The following SV2B variants were observed in gnomAD, a reference collection of about 807,000 sequenced individuals.
SV2B encodes synaptic vesicle glycoprotein 2B.
A neutral mutation model predicts 73.9 loss-of-function variants in SV2B; 41 were observed. That is an observed-to-expected ratio of 0.56 (90% confidence interval 0.43 to 0.72). The LOEUF is 0.72. SV2B is among the 30% of genes least tolerant of loss of function. The pLI is 0.00. For synonymous variants in SV2B, 314 were observed against 314.2 expected (o/e 1.00, Z 0.01); for missense variants, 764 against 857.8 (o/e 0.89, Z 1.37).
In SV2B at chr15:91,245,036, G is replaced by A. The variant is rs1343672542; in HGVS notation, c.452-6783G>A. ...CTTTGGTTAATTGCTAAATAAAGAA[G>A]CTCACCCAGTCAGGGCCTCTTCTTT... On this transcript the variant is annotated intron_variant, in intron 2 of 12. Coordinates refer to ENST00000394232, the MANE Select transcript of SV2B (RefSeq NM_001323032.3). This position sits in a 1 kb window ranked among gnomAD's most constrained non-coding sequence, Gnocchi z 4.2. Among the ~76,000 whole-genome samples, 1 of 152,248 alleles carries A rather than the reference G, an allele frequency of 6.6e-6. No homozygotes were observed. The highest frequency in any genetic ancestry group is 6.5e-5 in the Admixed American group (1 of 15,290).
In SV2B at chr15:91,283,007, C is replaced by T. The variant is rs572559949; in HGVS notation, c.1508-1014C>T. Among the ~76,000 whole-genome samples, 2 of 152,226 alleles carry T rather than the reference C, an allele frequency of 1.3e-5. No individual in the cohort carries two copies. Among genetic ancestry groups the T allele is most frequent in the South Asian group, 2.1e-4 (1 of 4,818 alleles). On this transcript the variant is annotated intron_variant, in intron 10 of 12. Coordinates refer to ENST00000394232, the MANE Select transcript of SV2B (RefSeq NM_001323032.3). This position sits in a 1 kb window ranked among gnomAD's most constrained non-coding sequence, Gnocchi z 4.3. ...CTTACCATGGAGATTCTTGCAAACACGTGTAGTCAGGAAATGTCAGAGCTG... is the reference window on the plus strand; with the variant it reads ...CTTACCATGGAGATTCTTGCAAACATGTGTAGTCAGGAAATGTCAGAGCTG...
At position 91,288,304 on chromosome 15, in the gene SV2B, TG is replaced by T. The variant is rs2048929436; in HGVS notation, c.1709-1213del. The stretch of plus-strand genomic sequence containing the variant: ...GATAAATTATAATTGTATATTTTGA[TG>T]GGGTACAATGTGATATTTTCATGCA... On this transcript the variant is annotated intron_variant, in intron 11 of 12. Coordinates refer to ENST00000394232, the MANE Select transcript of SV2B (RefSeq NM_001323032.3). The surrounding 1 kb of genome is among the most constrained non-coding windows in gnomAD (Gnocchi z 5.8). Among the ~76,000 whole-genome samples the T allele has an allele frequency of 6.6e-6, 1 of 152,198 alleles. No individual in the cohort carries two copies. The highest frequency in any genetic ancestry group is 2.4e-5 in the African/African-American group (1 of 41,438).
rs149831933 is a variant in SV2B at position 91,290,568 on chromosome 15, C to T, written c.1868+888C>T. On this transcript the variant is annotated intron_variant, in intron 12 of 12. Coordinates refer to ENST00000394232, the MANE Select transcript of SV2B (RefSeq NM_001323032.3). The surrounding 1 kb of genome is among the most constrained non-coding windows in gnomAD (Gnocchi z 4.7). ...TGTGGTCAGGTGGTCAGTAATAAAACGAAATTATGTATAGGTTTTAAAATA... is the reference window on the plus strand; with the variant it reads ...TGTGGTCAGGTGGTCAGTAATAAAATGAAATTATGTATAGGTTTTAAAATA... Among the ~76,000 whole-genome samples the T allele has an allele frequency of 2.1e-4, 32 of 152,050 alleles. No homozygotes were observed. Among genetic ancestry groups the T allele is most frequent in the African/African-American group, 6.8e-4 (28 of 41,462 alleles).
chr15:91,195,104 C>A (rs1274485780), intron 1 of SV2B, among the ~76,000 whole-genome samples: 1 of 152,140 alleles, frequency 6.6e-6, no homozygotes, highest in African/African-American at 2.4e-5. Context: ...CATAACCTAG[C>A]CTGCCCTGGC....
At chr15:91,173,088 G>A (rs778617793) in intron 1 of SV2B, among the ~76,000 whole-genome samples, 62 of 152,154 alleles carry the variant, frequency 4.1e-4, no homozygotes, top group Non-Finnish European at 7.6e-4. Context: ...TGGTTGGTGC[G>A]ATGAGGAGTG....
intron 1 of SV2B, among the ~76,000 whole-genome samples, chr15:91,157,172 C>T (rs2043519731): frequency 6.6e-6 from 1 of 152,188 alleles, no homozygotes; most frequent in East Asian, 1.9e-4. Flanking sequence ...CCCATTTCTA[C>T]TCGTCAAAGT....
rs12910392 is a variant in SV2B, at chr15:91,261,718, C to G, written c.1008+1309C>G. 9.5e-3 allele frequency among the ~76,000 whole-genome samples: 1,449 copies of G among 152,334 alleles called. 11 individuals are homozygous for G. The highest frequency in any genetic ancestry group is 0.016 in the Non-Finnish European group (1,056 of 68,022). ...AATAGAGGACCCATTTCTTTACACC[C>G]TTACCATCAGTGGCTATTAGTCTGA... On this transcript the variant is annotated intron_variant, in intron 6 of 12. Coordinates refer to ENST00000394232, the MANE Select transcript of SV2B (RefSeq NM_001323032.3). The surrounding 1 kb of genome is among the most constrained non-coding windows in gnomAD (Gnocchi z 4.7).
Position 91,292,669 on chromosome 15 carries a change from G to A in SV2B, c.*117G>A. 7.8e-7 allele frequency: 1 copy of A among 1,275,084 alleles called. No individual in the cohort carries two copies. The highest frequency in any genetic ancestry group is 1.1e-6 in the Non-Finnish European group (1 of 945,450). The allele number at this position is 1,275,084 out of a possible 1,614,324, so 79.0% of individuals were successfully genotyped here. A position where few individuals can be genotyped will look rare whatever the true frequency, so the allele number is the denominator to read the frequency against. ...CTTGGATAGCACGGGAGGAGAAGTT[G>A]ACTTTGTGACCCCTAGTTTAGGACC... On this transcript the variant is annotated 3_prime_UTR_variant, in exon 13 of 13. Coordinates refer to ENST00000394232, the MANE Select transcript of SV2B (RefSeq NM_001323032.3).
In SV2B at chr15:91,288,756, C is replaced by A. The variant is rs1376688396; in HGVS notation, c.1709-765C>A. 6.6e-6 allele frequency among the ~76,000 whole-genome samples: 1 copy of A among 152,124 alleles called. No homozygotes were observed. Among genetic ancestry groups the A allele is most frequent in the Non-Finnish European group, 1.5e-5 (1 of 68,022 alleles). ...ACAGTGGCGCCATCTCGGCTCACTGCAACCTCTGCCTCCCAGCTTCAAATA... is the reference window on the plus strand; with the variant it reads ...ACAGTGGCGCCATCTCGGCTCACTGAAACCTCTGCCTCCCAGCTTCAAATA... On this transcript the variant is annotated intron_variant, in intron 11 of 12. Coordinates refer to ENST00000394232, the MANE Select transcript of SV2B (RefSeq NM_001323032.3). The surrounding 1 kb of genome is among the most constrained non-coding windows in gnomAD (Gnocchi z 5.8).
rs1044012741 is a variant in SV2B at position 91,281,467 on chromosome 15, G to A, written c.1374-261G>A. 1.3e-5 allele frequency among the ~76,000 whole-genome samples: 2 copies of A among 152,142 alleles called. No homozygotes were observed. The highest frequency in any genetic ancestry group is 4.8e-5 in the African/African-American group (2 of 41,414). ...TCTGTGATTCTGACTTAGAAGGTCC[G>A]TGGACCTGCCTTTGAAAACCAGCAG... On this transcript the variant is annotated intron_variant, in intron 9 of 12. Transcript: ENST00000394232. This position sits in a 1 kb window ranked among gnomAD's most constrained non-coding sequence, Gnocchi z 4.7.
chr15:91,168,128 C>G (rs1238342158), intron 1 of SV2B, among the ~76,000 whole-genome samples: 2 of 151,994 alleles, frequency 1.3e-5, no homozygotes, highest in Non-Finnish European at 1.5e-5. Context: ...GATTTCATAC[C>G]TAGATTTAGA....
chr15:91,286,104 C>G (rs1310256060), intron 11 of SV2B, among the ~76,000 whole-genome samples: 1 of 152,202 alleles, frequency 6.6e-6, no homozygotes, highest in African/African-American at 2.4e-5. Context: ...GCGCTAGAGG[C>G]AAGCTTGTTA....
rs1274805855 is a variant in SV2B at position 91,142,152 on chromosome 15, T to C, written c.-392+41789T>C. 3.9e-5 allele frequency among the ~76,000 whole-genome samples: 6 copies of C among 152,284 alleles called. No homozygotes were observed. In the East Asian group the frequency reaches 9.7e-4, roughly 24 times the overall value. ...TCAAAAGTCCCCCTTGACTCTGACT[T>C]CTGCTGATTCTCAACCCCTGTTCCT... On this transcript the variant is annotated intron_variant, in intron 1 of 12. Coordinates refer to ENST00000394232, the MANE Select transcript of SV2B (RefSeq NM_001323032.3).
chr15:91,196,947 C>A (rs953847671), intron 1 of SV2B, among the ~76,000 whole-genome samples: 4 of 152,196 alleles, frequency 2.6e-5, no homozygotes, highest in African/African-American at 9.6e-5. Flanking sequence ...ATGCTGGGAC[C>A]TGTGACAGAC....
chr15:91,230,168 G>A (rs2046521509), intron 2 of SV2B, among the ~76,000 whole-genome samples: 1 of 151,806 alleles, frequency 6.6e-6, no homozygotes, highest in East Asian at 1.9e-4. Flanking sequence ...TTGGGCCCAG[G>A]AGACGGAGGT....
At chr15:91,163,783 C>T (rs1320069319) in intron 1 of SV2B, among the ~76,000 whole-genome samples, 1 of 152,156 alleles carries the variant, frequency 6.6e-6, no homozygotes. Context: ...TCCCATTAGT[C>T]AATTTTGGCT....
chr15:91,280,353 TC>T lies in SV2B; in HGVS notation c.1374-1373del. On this transcript the variant is annotated intron_variant, in intron 9 of 12. Transcript: ENST00000394232. This position sits in a 1 kb window ranked among gnomAD's most constrained non-coding sequence, Gnocchi z 5.8. The stretch of plus-strand genomic sequence containing the variant: ...CTGTGCTATCTCTGTCATGCCGATT[TC>T]CACTGTATTGTAGTTGCCTATTTGC... Among the ~76,000 whole-genome samples the T allele has an allele frequency of 6.6e-6, 1 of 152,358 alleles. No individual in the cohort carries two copies. The highest frequency in any genetic ancestry group is 6.5e-5 in the Admixed American group (1 of 15,310).
At chr15:91,167,194 A>G (rs1248482815) in intron 1 of SV2B, among the ~76,000 whole-genome samples, 1 of 152,174 alleles carries the variant, frequency 6.6e-6, no homozygotes, top group Non-Finnish European at 1.5e-5. Context: ...ATATGGTTAC[A>G]GTAGTTTTTT....
chr15:91,101,207 G>C (rs946741041), intron 1 of SV2B, among the ~76,000 whole-genome samples: 2 of 152,102 alleles, frequency 1.3e-5, no homozygotes, highest in Non-Finnish European at 2.9e-5. Flanking sequence ...AGGTGAATGT[G>C]GGTGGCTTTG....
Sources: gnomAD v4.1 joint callset for allele counts (sites outside exome capture counted in the v4.1 genomes callset) on GRCh38, gnomAD v4.1.1 for gene constraint, Gnocchi (gnomAD v3.1) non-coding constraint, MANE v1.5 for transcripts, NCBI Gene and HGNC (gene_info 2026-07-23, HGNC 2026-07-21) for gene names.